USP25: variants seen among roughly 807,000 people sequenced by gnomAD.
USP25 encodes ubiquitin specific peptidase 25.
In USP25, 85 loss-of-function variants were observed where a neutral mutation model predicts 158.5. The observed-to-expected ratio is 0.54, with a 90% CI of 0.45 to 0.64. USP25 has a LOEUF of 0.64. USP25 is among the 30% of genes least tolerant of loss of function. The pLI is 0.00. For missense variants in USP25, 1,242 were observed against 1,327.3 expected, an observed-to-expected ratio of 0.94 and a Z score of 1.00; for synonymous variants, 464 against 460.4, an observed-to-expected ratio of 1.01 and a Z score of -0.10.
At chr21:15,763,052 TG>T (rs113568731) in intron 2 of USP25, 84 bp downstream of exon 2, 2,245 of 1,166,392 alleles carry the variant, frequency 1.9e-3, no homozygotes, top group Middle Eastern at 3.4e-3. Flanking sequence ...ATTTTTTTTT[TG>T]GGGTATACCA....
intron 9 of USP25, among the ~76,000 whole-genome samples, chr21:15,817,660 A>T (rs1490275827): frequency 6.6e-6 from 1 of 152,174 alleles, no homozygotes; most frequent in African/African-American, 2.4e-5. Flanking sequence ...GGTGAAGGGC[A>T]TGTCTCACTT....
At chr21:15,794,070 A>G (rs2035735565) in intron 5 of USP25, among the ~76,000 whole-genome samples, 1 of 151,570 alleles carries the variant, frequency 6.6e-6, no homozygotes, top group Non-Finnish European at 1.5e-5. Flanking sequence ...TGATTACAAA[A>G]TTTTCTCGGG....
At chr21:15,732,741 A>G (rs572814614) in intron 1 of USP25, among the ~76,000 whole-genome samples, 299 of 152,188 alleles carry the variant, frequency 2.0e-3, no homozygotes, top group Middle Eastern at 6.8e-3. Flanking sequence ...TTGCAGATGG[A>G]TGTAAGTTTT....
chr21:15,751,955 A>T (rs2033047153), intron 1 of USP25, among the ~76,000 whole-genome samples: 1 of 152,230 alleles, frequency 6.6e-6, no homozygotes, highest in South Asian at 2.1e-4. Flanking sequence ...TTTTTTTAAG[A>T]CAGAGATTTG....
chr21:15,863,061 T>C (rs529688099), intron 20 of USP25, among the ~76,000 whole-genome samples: 104 of 152,138 alleles, frequency 6.8e-4, no homozygotes, highest in African/African-American at 2.4e-3. Flanking sequence ...AAAATGTTTA[T>C]GCTTATTAGA....
chr21:15,808,738 T>G, intron 7 of USP25, 71 bp from the exon 8 acceptor site: 7 of 1,140,572 alleles, frequency 6.1e-6, no homozygotes, highest in Non-Finnish European at 6.2e-6. Flanking sequence ...TGGCTCTAGG[T>G]TTGATGTTAC....
chr21:15,759,401 C>A (rs1254748203), intron 1 of USP25, among the ~76,000 whole-genome samples: 3 of 152,078 alleles, frequency 2.0e-5, no homozygotes, highest in Non-Finnish European at 4.4e-5. Context: ...CAACATGTGT[C>A]TAAGGTGGTT....
intron 8 of USP25, 101 bp from the exon 9 acceptor site, chr21:15,811,036 A>G (rs971681659): frequency 7.4e-5 from 74 of 999,358 alleles, no homozygotes; most frequent in Non-Finnish European, 9.3e-5. Context: ...TGATAGCCAC[A>G]TAAGTGTTTT....
At chr21:15,795,333 T>C (rs1336758793) in intron 5 of USP25, among the ~76,000 whole-genome samples, 2 of 151,586 alleles carry the variant, frequency 1.3e-5, no homozygotes, top group African/African-American at 4.8e-5. Context: ...TATCCTGGAG[T>C]TGTCAATTGC....
intron 9 of USP25, among the ~76,000 whole-genome samples, chr21:15,815,951 A>T (rs1435399158): frequency 6.6e-6 from 1 of 152,050 alleles, no homozygotes; most frequent in Admixed American, 6.5e-5. Flanking sequence ...ATGAGCTAAG[A>T]CTTTGGGGGA....
At chr21:15,768,080 A>C (rs1006521664) in intron 3 of USP25, among the ~76,000 whole-genome samples, 1 of 152,074 alleles carries the variant, frequency 6.6e-6, no homozygotes, top group Non-Finnish European at 1.5e-5. Flanking sequence ...ATCTCTTGAA[A>C]AATATTCACG....
chr21:15,777,553 AATGTCAATG>A (rs2034729291), intron 3 of USP25, among the ~76,000 whole-genome samples: 1 of 152,198 alleles, frequency 6.6e-6, no homozygotes, highest in Non-Finnish European at 1.5e-5. Context: ...AGAAAGCAGA[AATGTCAATG>A]TTTAATTGTA....
intron 9 of USP25, among the ~76,000 whole-genome samples, chr21:15,818,055 AC>A (rs2037037774): frequency 6.6e-6 from 1 of 152,118 alleles, no homozygotes; most frequent in Admixed American, 6.5e-5. Flanking sequence ...CAACTTCTTT[AC>A]TGCCTTAAAG....
intron 1 of USP25, among the ~76,000 whole-genome samples, chr21:15,732,474 A>G (rs1190253212): frequency 2.0e-5 from 3 of 152,208 alleles, no homozygotes; most frequent in Non-Finnish European, 4.4e-5. Context: ...AAGCGGACTT[A>G]AAGCTGGTAA....
At chr21:15,833,885 CAA>C (rs777504100) in intron 17 of USP25, among the ~76,000 whole-genome samples, 11 of 151,822 alleles carry the variant, frequency 7.2e-5, no homozygotes, top group Non-Finnish European at 1.2e-4. Context: ...CTAAAGCTAT[CAA>C]GAGTATCAAT....
intron 1 of USP25, among the ~76,000 whole-genome samples, chr21:15,748,454 G>GTTTTT (rs71331787): frequency 2.2e-4 from 17 of 79,008 alleles, no homozygotes; most frequent in South Asian, 4.7e-4. Context: ...CTACTTTTTA[G>GTTTTT]TTTTTTTTTT....
intron 19 of USP25, among the ~76,000 whole-genome samples, chr21:15,848,181 C>T (rs978129070): frequency 3.3e-5 from 5 of 152,058 alleles, no homozygotes; most frequent in Admixed American, 1.3e-4. Flanking sequence ...CAGAAAATCC[C>T]ACAGCATGAT....
chr21:15,862,941 T>G (rs1216079721), intron 20 of USP25, among the ~76,000 whole-genome samples: 1 of 151,990 alleles, frequency 6.6e-6, no homozygotes, highest in Non-Finnish European at 1.5e-5. Flanking sequence ...AATACAACCA[T>G]ATAGATCATA....
At chr21:15,877,150 A>G (rs1048826814) in intron 24 of USP25, 2 of 152,210 alleles carry the variant, frequency 1.3e-5, no homozygotes, top group Admixed American at 1.3e-4. Context: ...TGCAACAGAA[A>G]CTTCATGGCC....
Sources: allele counts gnomAD v4.1 joint callset (sites outside exome capture counted in the v4.1 genomes callset), GRCh38; gene constraint gnomAD v4.1.1; transcripts MANE v1.5; gene names NCBI Gene and HGNC (gene_info 2026-07-23, HGNC 2026-07-21).